The following CDK14 variants were observed in gnomAD, a reference collection of about 807,000 sequenced individuals.
CDK14 encodes the protein cyclin dependent kinase 14.
CDK14 carries 34 observed loss-of-function variants against 60.7 expected under a neutral mutation model. The observed-to-expected ratio is 0.56, with a 90% CI of 0.43 to 0.75. The LOEUF is 0.75. Among genes scored for constraint, CDK14 ranks in the 30% least tolerant of loss-of-function variants. The pLI, the probability that CDK14 is intolerant of heterozygous loss-of-function variation, is 0.00. For missense variants in CDK14, 482 were observed against 564.1 expected (o/e 0.85, Z 1.47); for synonymous variants, 197 against 203.7 (o/e 0.97, Z 0.28).
At chr7:90,965,840 A>G (rs1584177590) in intron 9 of CDK14, among the ~76,000 whole-genome samples, 1 of 152,238 alleles carries the variant, frequency 6.6e-6, no homozygotes, top group East Asian at 1.9e-4. Context: ...ACATTGTTTT[A>G]TTTCCCTAGA....
At chr7:91,033,815 G>C (rs1796834506) in intron 10 of CDK14, among the ~76,000 whole-genome samples, 1 of 152,192 alleles carries the variant, frequency 6.6e-6, no homozygotes, top group Admixed American at 6.5e-5. Flanking sequence ...TGCACAGTTG[G>C]GGACTGAGTC....
At chr7:91,073,829 A>G (rs1356758986) in intron 11 of CDK14, among the ~76,000 whole-genome samples, 6 of 152,170 alleles carry the variant, frequency 3.9e-5, no homozygotes, top group Non-Finnish European at 7.4e-5. Context: ...TGAAAAGAAA[A>G]AAAAAAAGCA....
chr7:91,159,614 C>T (rs1801103655), intron 14 of CDK14, among the ~76,000 whole-genome samples: 1 of 152,210 alleles, frequency 6.6e-6, no homozygotes, highest in Non-Finnish European at 1.5e-5. Context: ...TGCCCAGCAG[C>T]AAGGCGAAGT....
chr7:91,184,288 A>T lies in CDK14; in HGVS notation c.*29-22877A>T, dbSNP rs376980418. On this transcript the variant is annotated intron_variant, in intron 14 of 14. Coordinates refer to ENST00000380050, the MANE Select transcript of CDK14 (RefSeq NM_001287135.2). ...TGACAGAGTGAGATCCTCTCAAAAA[A>T]AAAAAAGAACTCCTTAAGAAGCTTC... Among the ~76,000 whole-genome samples the T allele has an allele frequency of 4.6e-5, 7 of 151,574 alleles. No homozygotes were observed. The South Asian group carries it at 1.2e-3, about 27-fold the overall frequency.
chr7:91,036,005 G>A (rs982027569), intron 10 of CDK14, among the ~76,000 whole-genome samples: 5 of 151,830 alleles, frequency 3.3e-5, no homozygotes, highest in African/African-American at 7.3e-5. Context: ...CACCGCACCC[G>A]GCTAATTTTT....
intron 4 of CDK14, among the ~76,000 whole-genome samples, chr7:90,781,060 A>G (rs944853535): frequency 3.3e-5 from 5 of 151,946 alleles, no homozygotes; most frequent in Non-Finnish European, 7.4e-5. Context: ...CCTCTCCAGC[A>G]CCTGTTGTTT....
intron 8 of CDK14, among the ~76,000 whole-genome samples, chr7:90,925,538 T>C (rs900298219): frequency 6.6e-6 from 1 of 152,204 alleles, no homozygotes; most frequent in East Asian, 1.9e-4. Flanking sequence ...CATATTGTTA[T>C]AAGAATCACT....
chr7:90,643,473 T>A (rs1205582111), intron 2 of CDK14, among the ~76,000 whole-genome samples: 1 of 152,228 alleles, frequency 6.6e-6, no homozygotes, highest in Non-Finnish European at 1.5e-5. Flanking sequence ...TTTGTTTTGA[T>A]ATACACCATA....
intron 14 of CDK14, among the ~76,000 whole-genome samples, chr7:91,152,874 T>C (rs536134066): frequency 1.3e-5 from 2 of 152,236 alleles, no homozygotes; most frequent in Non-Finnish European, 2.9e-5. Flanking sequence ...AGAATGATCT[T>C]ATATAATAAC....
chr7:90,858,548 T>A (rs1790901825), intron 5 of CDK14, among the ~76,000 whole-genome samples: 1 of 152,198 alleles, frequency 6.6e-6, no homozygotes, highest in Non-Finnish European at 1.5e-5. Context: ...TTGCAAATAA[T>A]GTTCAATAAT....
chr7:90,673,215 G>A (rs931336236), intron 2 of CDK14, among the ~76,000 whole-genome samples: 7 of 152,152 alleles, frequency 4.6e-5, no homozygotes, highest in Non-Finnish European at 7.4e-5. Context: ...GGGCTCTATG[G>A]CAGTGTTTCT....
intron 14 of CDK14, among the ~76,000 whole-genome samples, chr7:91,144,480 A>G (rs1789439195): frequency 6.6e-6 from 1 of 151,318 alleles, no homozygotes; most frequent in African/African-American, 2.4e-5. Flanking sequence ...AGGATCAAAA[A>G]TGCAGTAGGT....
intron 10 of CDK14, among the ~76,000 whole-genome samples, chr7:91,033,791 T>C (rs934647553): frequency 1.3e-5 from 2 of 152,238 alleles, no homozygotes; most frequent in Admixed American, 1.3e-4. Context: ...TTTCCACTGC[T>C]GTGGCTCCCA....
intron 5 of CDK14, among the ~76,000 whole-genome samples, chr7:90,846,800 G>GC (rs1470131312): frequency 6.6e-6 from 1 of 152,006 alleles, no homozygotes; most frequent in African/African-American, 2.4e-5. Context: ...AACCAAAGTG[G>GC]CCCCCAGCAT....
intron 10 of CDK14, among the ~76,000 whole-genome samples, chr7:91,010,047 A>G (rs964602268): frequency 2.0e-5 from 3 of 152,128 alleles, no homozygotes; most frequent in Non-Finnish European, 4.4e-5. Flanking sequence ...GGAAAAGACT[A>G]TCCTTTCTCC....
At chr7:90,835,854 C>G (rs1027181818) in intron 5 of CDK14, among the ~76,000 whole-genome samples, 6 of 152,152 alleles carry the variant, frequency 3.9e-5, no homozygotes, top group African/African-American at 1.4e-4. Flanking sequence ...CATACCTAGG[C>G]TATATGGTAT....
chr7:90,676,643 C>T (rs1182261000), intron 2 of CDK14, among the ~76,000 whole-genome samples: 1 of 151,956 alleles, frequency 6.6e-6, no homozygotes, highest in East Asian at 1.9e-4. Context: ...AGCGATCCTC[C>T]CACCTCAGCC....
At chr7:90,638,201 A>T (rs1800207130) in intron 2 of CDK14, among the ~76,000 whole-genome samples, 1 of 152,060 alleles carries the variant, frequency 6.6e-6, no homozygotes, top group South Asian at 2.1e-4. Flanking sequence ...TTTGCTCGTT[A>T]GTTGATGCAG....
At chr7:91,034,656 G>T (rs980354034) in intron 10 of CDK14, among the ~76,000 whole-genome samples, 14 of 152,058 alleles carry the variant, frequency 9.2e-5, no homozygotes, top group Non-Finnish European at 1.5e-4. Context: ...CATTTTCTCA[G>T]TCCAGTGGCT....
Sources: gnomAD v4.1 joint callset for allele counts (sites outside exome capture counted in the v4.1 genomes callset) on GRCh38, gnomAD v4.1.1 for gene constraint, MANE v1.5 for transcripts, NCBI Gene and HGNC (gene_info 2026-07-23, HGNC 2026-07-21) for gene names.